Variants in GDAP2 observed in about 807,000 individuals in gnomAD.
GDAP2 encodes ganglioside-induced differentiation-associated protein 2.
In GDAP2, 51 loss-of-function variants were observed where a neutral mutation model predicts 67.0. That is an observed-to-expected ratio of 0.76 (90% CI 0.61 to 0.96). The LOEUF is 0.96. Among genes scored for constraint, GDAP2 ranks in the 40% least tolerant of loss-of-function variants. GDAP2 has a pLI of 0.00. For missense variants in GDAP2, 547 were observed against 588.3 expected (o/e 0.93, Z 0.73); for synonymous variants, 203 against 207.3 (o/e 0.98, Z 0.18).
At chr1:117,897,840 G>T (rs1203071813) in intron 7 of GDAP2, among the ~76,000 whole-genome samples, 1 of 152,176 alleles carries the variant, frequency 6.6e-6, no homozygotes, top group Admixed American at 6.5e-5. Context: ...TAGATTGGAA[G>T]GGCCTGCTTT....
intron 6 of GDAP2, among the ~76,000 whole-genome samples, chr1:117,899,655 G>GT (rs1204945651): frequency 1.3e-5 from 2 of 151,698 alleles, no homozygotes; most frequent in Admixed American, 6.6e-5. Context: ...TTTCTTAAAA[G>GT]TTTTTTTCAA....
intron 8 of GDAP2, among the ~76,000 whole-genome samples, chr1:117,888,748 C>T (rs1157458558): frequency 6.6e-6 from 1 of 152,100 alleles, no homozygotes; most frequent in Admixed American, 6.6e-5. Flanking sequence ...GGAGATTTGG[C>T]TTCTAATCCT....
At chr1:117,927,974 T>C (rs1283113511) in intron 1 of GDAP2, among the ~76,000 whole-genome samples, 1 of 152,244 alleles carries the variant, frequency 6.6e-6, no homozygotes, top group Non-Finnish European at 1.5e-5. Flanking sequence ...TTTTGTAAGA[T>C]GCATTACCTT....
chr1:117,877,924 G>A (rs733831), intron 13 of GDAP2, 85 bp downstream of exon 13: 18,483 of 1,477,494 alleles, frequency 0.013, 427 homozygotes, highest in South Asian at 0.086. Flanking sequence ...ATCTGGTAAT[G>A]ACAGGATGTT....
intron 13 of GDAP2, among the ~76,000 whole-genome samples, chr1:117,871,669 T>C (rs921379724): frequency 2.0e-5 from 3 of 152,170 alleles, no homozygotes; most frequent in African/African-American, 7.2e-5. Context: ...GGAGCAAGAA[T>C]TGATCTTGGG....
At chr1:117,873,982 T>C (rs1648375476) in intron 13 of GDAP2, among the ~76,000 whole-genome samples, 1 of 152,216 alleles carries the variant, frequency 6.6e-6, no homozygotes, top group Non-Finnish European at 1.5e-5. Flanking sequence ...TCATTCTCTG[T>C]GCTGTTTCTA....
rs909664625 is a variant in GDAP2, at chr1:117,912,207, A to G, written c.471-125T>C. ...CCTCCCTCTTCAACAAATCTACTAT[A>G]ATAGCTAACCCAACTGTACCACTCA... On this transcript the variant is annotated intron_variant, in intron 4 of 13. Transcript: ENST00000369443. 5 of 672,718 alleles carry G rather than the reference A, an allele frequency of 7.4e-6. No homozygotes were observed. The African/African-American group carries it at 9.0e-5, about 12-fold the overall frequency. The allele number at this position is 672,718 out of a possible 1,614,324, so 41.7% of individuals were successfully genotyped here.
At chr1:117,904,553 A>G (rs1351215622) in intron 6 of GDAP2, among the ~76,000 whole-genome samples, 1 of 152,238 alleles carries the variant, frequency 6.6e-6, no homozygotes, top group Non-Finnish European at 1.5e-5. Context: ...TGAGAAAAAG[A>G]TGGTAAATGT....
chr1:117,912,301 A>T (rs1051315861), intron 4 of GDAP2, among the ~76,000 whole-genome samples: 2 of 152,196 alleles, frequency 1.3e-5, no homozygotes, highest in Non-Finnish European at 2.9e-5. Context: ...AAACTGAATA[A>T]AAAATGGGAA....
At position 117,912,012 on chromosome 1, in the gene GDAP2, C is replaced by T; in HGVS notation, c.541G>A (p.Ala181Thr). 1 of 1,582,896 alleles carries T rather than the reference C, an allele frequency of 6.3e-7. No homozygotes were observed. Among genetic ancestry groups the T allele is most frequent in the African/African-American group, 1.3e-5 (1 of 74,402 alleles). Residue 181 changes from alanine to threonine, a missense_variant, in exon 5 of 14, where the codon GCA becomes ACA. By Grantham distance (58) the Ala-to-Thr change is moderately conservative. Transcript: ENST00000369443. ...SAKRGYPLED[A>T]THIALRTVRR... ...TACTTACGAAGTGCTATGTGTGTTG[C>T]ATCCTCTAAAGGATAACCACGTTTT...
chr1:117,923,374 G>A (rs1056103356), intron 1 of GDAP2, among the ~76,000 whole-genome samples: 7 of 152,196 alleles, frequency 4.6e-5, no homozygotes, highest in African/African-American at 1.4e-4. Flanking sequence ...TTCAGAGACT[G>A]CAGTAAAGAC....
intron 3 of GDAP2, among the ~76,000 whole-genome samples, chr1:117,917,933 A>G (rs1650106473): frequency 2.0e-5 from 3 of 152,098 alleles, no homozygotes; most frequent in Admixed American, 2.0e-4. Context: ...CTCTGTCCTT[A>G]CAGTCAAAAT....
chr1:117,925,050 C>T (rs1302646386), intron 1 of GDAP2, among the ~76,000 whole-genome samples: 1 of 152,128 alleles, frequency 6.6e-6, no homozygotes, highest in Non-Finnish European at 1.5e-5. Flanking sequence ...TAAACACAAA[C>T]ACAGTTTTCA....
intron 5 of GDAP2, among the ~76,000 whole-genome samples, chr1:117,909,335 C>A (rs933242485): frequency 6.6e-6 from 1 of 151,800 alleles, no homozygotes; most frequent in Non-Finnish European, 1.5e-5. Context: ...TATTTCAATG[C>A]AGATATTTCT....
At chr1:117,920,147 TA>T (rs747528089) in intron 2 of GDAP2, 34 bp downstream of exon 2, 1 of 1,209,382 alleles carries the variant, frequency 8.3e-7, no homozygotes. Flanking sequence ...GAGAAAGTGT[TA>T]TCTCCTCATG....
At chr1:117,917,006 C>T (rs1650069055) in intron 3 of GDAP2, among the ~76,000 whole-genome samples, 1 of 150,700 alleles carries the variant, frequency 6.6e-6, no homozygotes, top group Admixed American at 6.6e-5. Flanking sequence ...TGCACTCTAG[C>T]CTGGGTGACA....
At chr1:117,877,984 A>G in intron 13 of GDAP2, 25 bp downstream of exon 13, 2 of 1,612,266 alleles carry the variant, frequency 1.2e-6, no homozygotes, top group East Asian at 2.2e-5. Context: ...ATACCAGGTG[A>G]GGGAGAACTT....
Position 117,909,895 on chromosome 1 carries a change from C to T in GDAP2, c.559+2099G>A, listed in dbSNP as rs183667782. 3.3e-5 allele frequency among the ~76,000 whole-genome samples: 5 copies of T among 152,196 alleles called. No homozygotes were observed. The East Asian group carries it at 9.7e-4, about 29-fold the overall frequency. The stretch of plus-strand genomic sequence containing the variant: ...GTCTTCTTAACCCCCTATTCAGAAC[C>T]TTTTCTACAAAATAATGCTGCCTCT... On this transcript the variant is annotated intron_variant, in intron 5 of 13. Transcript: ENST00000369443.
chr1:117,920,445 T>A, intron 1 of GDAP2, 21 bp from the exon 2 acceptor site: 1 of 814,576 alleles, frequency 1.2e-6, no homozygotes, highest in Non-Finnish European at 2.0e-6. Flanking sequence ...AAAGAAAGAA[T>A]CACTTTAATA....
Sources: allele counts gnomAD v4.1 joint callset (sites outside exome capture counted in the v4.1 genomes callset), GRCh38; gene constraint gnomAD v4.1.1; transcripts MANE v1.5; gene names NCBI Gene and HGNC (gene_info 2026-07-23, HGNC 2026-07-21).